Variants in ALG5 observed in about 807,000 individuals in gnomAD.
ALG5 encodes ALG5 dolichyl-phosphate beta-glucosyltransferase.
Under a neutral mutation model 51.8 loss-of-function variants are expected in ALG5, and 26 were observed. That is an observed-to-expected ratio of 0.50 (90% confidence interval 0.37 to 0.70). ALG5 has a LOEUF of 0.70. Ranked by LOEUF, ALG5 falls within the 30% of genes least tolerant of loss-of-function variation. The probability of loss-of-function intolerance (pLI) is 0.00; values close to 1 mark genes in which losing one functional copy is unlikely to be tolerated. For synonymous variants in ALG5, 141 were observed against 136.1 expected (o/e 1.04, Z -0.25); for missense variants, 311 against 399.3 (o/e 0.78, Z 1.88).
intron 6 of ALG5, among the ~76,000 whole-genome samples, chr13:36,979,775 G>A (rs1446899535): frequency 2.0e-5 from 3 of 152,138 alleles, no homozygotes; most frequent in African/African-American, 7.2e-5. Context: ...AGGGCCAGGC[G>A]TGGTGACTCA....
At chr13:36,960,053 A>G (rs2058858797) in intron 8 of ALG5, among the ~76,000 whole-genome samples, 1 of 152,180 alleles carries the variant, frequency 6.6e-6, no homozygotes, top group South Asian at 2.1e-4. Flanking sequence ...CAAGCAAACA[A>G]AAACCCCAAA....
At chr13:36,964,499 TTCTG>T (rs1380289501) in intron 8 of ALG5, among the ~76,000 whole-genome samples, 1 of 152,166 alleles carries the variant, frequency 6.6e-6, no homozygotes. Context: ...GGGTTTCAGC[TTCTG>T]TACAACAGTG....
intron 6 of ALG5, among the ~76,000 whole-genome samples, chr13:36,981,308 A>C (rs1160329010): frequency 6.6e-6 from 1 of 152,224 alleles, no homozygotes; most frequent in Non-Finnish European, 1.5e-5. Context: ...TAAATGGTCA[A>C]AGCAATATTG....
chr13:36,978,233 G>A (rs1326369824), intron 6 of ALG5, among the ~76,000 whole-genome samples: 1 of 149,522 alleles, frequency 6.7e-6, no homozygotes, highest in African/African-American at 2.5e-5. Flanking sequence ...CGTCACCCAG[G>A]CTGGAGTGCA....
At position 36,993,634 on chromosome 13, in the gene ALG5, A is replaced by C. The variant is rs762028194; in HGVS notation, c.324T>G (p.Val108=). 1 of 1,613,864 alleles carries C rather than the reference A, an allele frequency of 6.2e-7. No individual in the cohort carries two copies. The highest frequency in any genetic ancestry group is 2.2e-5 in the East Asian group (1 of 44,870). The change falls in exon 4 of 10, where the codon GTT becomes GTG. Residue 108 remains valine (V), a synonymous_variant. Coordinates refer to ENST00000239891, the MANE Select transcript of ALG5 (RefSeq NM_013338.5). The part of the protein sequence containing the change: ...DPAFTYEVIV[V]DDGSKDQTSK... ...AGGTCTGATCTTTACTGCCATCATC[A>C]ACTACTATCACTTCATAAGTGAACG...
intron 8 of ALG5, 64 bp from the exon 9 acceptor site, chr13:36,952,663 C>T: frequency 1.0e-6 from 1 of 973,190 alleles, no homozygotes; most frequent in Non-Finnish European, 1.5e-6. Context: ...ACATCTCTAC[C>T]TTGGCATGTT....
rs780945745 is a variant in ALG5 at position 36,999,331 on chromosome 13, G to A, written c.-31C>T. The A allele has an allele frequency of 6.4e-7, 1 of 1,554,974 alleles. No individual in the cohort carries two copies. The highest frequency in any genetic ancestry group is 8.7e-7 in the Non-Finnish European group (1 of 1,153,492). On this transcript the variant is annotated 5_prime_UTR_variant, in exon 1 of 10. Coordinates refer to ENST00000239891, the MANE Select transcript of ALG5 (RefSeq NM_013338.5). Reference sequence around the variant, plus strand: ...ATGCCGTGGCAGCCCGCCCAATCCCGCACCTCCACACAGGCGGAAGCGCGC... The same window carrying A: ...ATGCCGTGGCAGCCCGCCCAATCCCACACCTCCACACAGGCGGAAGCGCGC...
At chr13:36,958,672 G>T (rs142400533) in intron 8 of ALG5, among the ~76,000 whole-genome samples, 3 of 152,292 alleles carry the variant, frequency 2.0e-5, no homozygotes, top group Admixed American at 2.0e-4. Context: ...GGACTAGCTG[G>T]ATTTCCTAGG....
At chr13:36,991,591 T>C (rs1358210849) in intron 4 of ALG5, among the ~76,000 whole-genome samples, 2 of 152,130 alleles carry the variant, frequency 1.3e-5, no homozygotes, top group Non-Finnish European at 2.9e-5. Flanking sequence ...TGAACCATGA[T>C]TGGTCTAACT....
chr13:36,992,058 C>A lies in ALG5; in HGVS notation c.354+1546G>T, dbSNP rs1307508963. ...AATGATATGGATCTAGCAACCTGAT[C>A]CTGTTTAAATGCTAAGCCAACTCTG... is the stretch of plus-strand genomic sequence containing the variant. On this transcript the variant is annotated intron_variant, in intron 4 of 9. Coordinates refer to ENST00000239891, the MANE Select transcript of ALG5 (RefSeq NM_013338.5). Among the ~76,000 whole-genome samples the A allele has an allele frequency of 2.0e-5, 3 of 152,290 alleles. No homozygotes were observed. In the East Asian group the frequency reaches 5.8e-4, roughly 29 times the overall value.
At chr13:36,952,328 T>C (rs775658154) in intron 9 of ALG5, among the ~76,000 whole-genome samples, 186 bp downstream of exon 9, 1 of 152,092 alleles carries the variant, frequency 6.6e-6, no homozygotes, top group African/African-American at 2.4e-5. Flanking sequence ...AGACAAAAAA[T>C]ATAAAAGGCA....
At chr13:36,974,717 C>G (rs919962478) in intron 6 of ALG5, among the ~76,000 whole-genome samples, 1 of 151,976 alleles carries the variant, frequency 6.6e-6, no homozygotes, top group South Asian at 2.1e-4. Flanking sequence ...GTAAAGCCCC[C>G]CCACCACCAT....
chr13:36,969,673 T>C (rs913589551), intron 7 of ALG5, among the ~76,000 whole-genome samples: 4 of 152,068 alleles, frequency 2.6e-5, no homozygotes, highest in Admixed American at 2.6e-4. Context: ...TAGCTGGGAT[T>C]ACAGGTGGGC....
At chr13:36,975,884 G>A (rs1382849647) in intron 6 of ALG5, among the ~76,000 whole-genome samples, 3 of 151,872 alleles carry the variant, frequency 2.0e-5, no homozygotes, top group Non-Finnish European at 4.4e-5. Context: ...GGCCAGGCAT[G>A]GTAGCGTGCC....
intron 6 of ALG5, among the ~76,000 whole-genome samples, chr13:36,976,304 G>A (rs1226729348): frequency 6.6e-6 from 1 of 150,882 alleles, no homozygotes; most frequent in Admixed American, 6.6e-5. Context: ...GTGCATGCCT[G>A]TAATCCCAGC....
intron 8 of ALG5, 69 bp downstream of exon 8, chr13:36,965,506 C>A: frequency 7.0e-7 from 1 of 1,436,006 alleles, no homozygotes; most frequent in Non-Finnish European, 9.5e-7. Context: ...ATATACAGGG[C>A]TGTTTCTCAT....
Position 36,965,516 on chromosome 13 carries a change from T to C in ALG5, c.773+59A>G, listed in dbSNP as rs2058888950. The C allele has an allele frequency of 9.2e-6, 14 of 1,515,024 alleles. No homozygotes were observed. The South Asian group carries it at 1.6e-4, about 17-fold the overall frequency. 93.8% of individuals were successfully genotyped at this position (1,515,024 alleles called of 1,614,324 possible). ...TATAAATATACAGGGCTGTTTCTCA[T>C]TACCTAGAAGATGGCTGGGTCATAA... On this transcript the variant is annotated intron_variant, in intron 8 of 9. Coordinates refer to ENST00000239891, the MANE Select transcript of ALG5 (RefSeq NM_013338.5).
rs1002658776 is a variant in ALG5 at position 36,999,067 on chromosome 13, A to C, written c.66+168T>G. The C allele has an allele frequency of 1.2e-4, 56 of 473,330 alleles. No individual in the cohort carries two copies. In the East Asian group the frequency reaches 2.0e-3, roughly 17 times the overall value. The allele number at this position is 473,330 out of a possible 1,614,324, so 29.3% of individuals were successfully genotyped here. ...AAGGGAAAATTAAAGAACCGAAGAAAAGGAGAGTGAAACTCCAGGAAACTC... is the reference window on the plus strand; with the variant it reads ...AAGGGAAAATTAAAGAACCGAAGAACAGGAGAGTGAAACTCCAGGAAACTC... On this transcript the variant is annotated intron_variant, in intron 1 of 9. Coordinates refer to ENST00000239891, the MANE Select transcript of ALG5 (RefSeq NM_013338.5).
intron 9 of ALG5, among the ~76,000 whole-genome samples, chr13:36,950,277 T>C (rs972777564): frequency 2.6e-5 from 4 of 152,074 alleles, no homozygotes; most frequent in Non-Finnish European, 5.9e-5. Context: ...CTTGAGAGGA[T>C]CTAAATAGTG....
Sources: gnomAD v4.1 joint callset for allele counts (sites outside exome capture counted in the v4.1 genomes callset) on GRCh38, gnomAD v4.1.1 for gene constraint, MANE v1.5 for transcripts, NCBI Gene and HGNC (gene_info 2026-07-23, HGNC 2026-07-21) for gene names.